MAP4K5: variants seen among roughly 807,000 people sequenced by gnomAD.
MAP4K5 encodes the protein mitogen-activated protein kinase kinase kinase kinase 5.
In MAP4K5, 82 loss-of-function variants were observed where a neutral mutation model predicts 135.6. That is an observed-to-expected ratio of 0.60 (90% confidence interval 0.51 to 0.73). MAP4K5 has a LOEUF of 0.73. Among genes scored for constraint, MAP4K5 ranks in the 30% least tolerant of loss-of-function variants. The pLI is 0.00. For synonymous variants in MAP4K5, 347 were observed against 335.0 expected (o/e 1.04, Z -0.39); for missense variants, 907 against 1,010.9 (o/e 0.90, Z 1.39).
chr14:50,440,010 T>C lies in MAP4K5; in HGVS notation c.1705+3A>G. On this transcript the variant is annotated splice_donor_region_variant and intron_variant, in intron 23 of 32. Transcript: ENST00000682126. ...GGTTTATTTTTCATCATCACATACA[T>C]ACCTGATAATGACATTAAAGTATTA... The C allele has an allele frequency of 6.5e-7, 1 of 1,540,016 alleles. No individual in the cohort carries two copies. Among genetic ancestry groups the C allele is most frequent in the Non-Finnish European group, 8.8e-7 (1 of 1,130,068 alleles).
At chr14:50,481,305 T>C (rs115577206) in intron 6 of MAP4K5, among the ~76,000 whole-genome samples, 1 of 149,910 alleles carries the variant, frequency 6.7e-6, no homozygotes, top group South Asian at 2.1e-4. Context: ...TATATATATA[T>C]AAATATATAT....
At chr14:50,475,598 T>TTGGGAGGATTAGG (rs2037078596) in intron 8 of MAP4K5, among the ~76,000 whole-genome samples, 1 of 152,166 alleles carries the variant, frequency 6.6e-6, no homozygotes, top group African/African-American at 2.4e-5. Flanking sequence ...TCCCTGCTAC[T>TTGGGAGGATTAGG]TGGGAGGATT....
At chr14:50,525,192 C>T (rs2038236759) in intron 2 of MAP4K5, among the ~76,000 whole-genome samples, 1 of 152,134 alleles carries the variant, frequency 6.6e-6, no homozygotes, top group Non-Finnish European at 1.5e-5. Flanking sequence ...CTACCACCTA[C>T]CAGACACATT....
intron 2 of MAP4K5, among the ~76,000 whole-genome samples, chr14:50,523,095 T>C (rs953136586): frequency 9.9e-5 from 15 of 152,162 alleles, no homozygotes; most frequent in African/African-American, 1.7e-4. Flanking sequence ...GTGGATCACC[T>C]GAGGTCGGGA....
intron 30 of MAP4K5, among the ~76,000 whole-genome samples, chr14:50,427,880 A>G (rs1025851092): frequency 6.6e-6 from 1 of 152,258 alleles, no homozygotes; most frequent in Non-Finnish European, 1.5e-5. Context: ...ATAGTTCCAA[A>G]AGCAGTAATA....
At position 50,432,575 on chromosome 14, in the gene MAP4K5, AAC is replaced by A. The variant is rs1367283048; in HGVS notation, c.2164+1817_2164+1818del. ...AACTCTCAAAAAAAAAAAAAAAAAA[AAC>A]AAAAAAACGCAAACTCAAACATACC... On this transcript the variant is annotated intron_variant, in intron 28 of 32. Transcript: ENST00000682126. Among the ~76,000 whole-genome samples, 223 of 132,930 alleles carry A rather than the reference AAC, an allele frequency of 1.7e-3. 5 individuals carry two copies. Among genetic ancestry groups the A allele is most frequent in the African/African-American group, 4.5e-3 (143 of 32,078 alleles). The allele number at this position is 132,930 out of a possible 152,430, so 87.2% of individuals were successfully genotyped here. A position where few individuals can be genotyped will look rare whatever the true frequency, so the allele number is the denominator to read the frequency against.
chr14:50,432,985 G>A (rs2139662059), intron 28 of MAP4K5, among the ~76,000 whole-genome samples: 1 of 152,144 alleles, frequency 6.6e-6, no homozygotes, highest in African/African-American at 2.4e-5. Context: ...TTACAGACAT[G>A]CACCACCACG....
chr14:50,433,227 C>T (rs2036014006), intron 28 of MAP4K5, among the ~76,000 whole-genome samples: 1 of 152,214 alleles, frequency 6.6e-6, no homozygotes, highest in Non-Finnish European at 1.5e-5. Flanking sequence ...AGCAGGCATA[C>T]ATCCAACTCA....
chr14:50,536,256 C>T (rs1490202829), upstream of MAP4K5, among the ~76,000 whole-genome samples: 1 of 152,032 alleles, frequency 6.6e-6, no homozygotes, highest in Non-Finnish European at 1.5e-5. Context: ...ACCAGCCTGA[C>T]CAAAACCCCA....
At chr14:50,516,176 A>G (rs2038029340) in intron 2 of MAP4K5, among the ~76,000 whole-genome samples, 1 of 152,212 alleles carries the variant, frequency 6.6e-6, no homozygotes, top group African/African-American at 2.4e-5. Context: ...TGTCTCCATT[A>G]GGAACTGGTA....
chr14:50,438,150 C>G, intron 23 of MAP4K5, 56 bp from the exon 24 acceptor site: 1 of 691,774 alleles, frequency 1.4e-6, no homozygotes, highest in Non-Finnish European at 2.6e-6. Context: ...AAAACACACA[C>G]AAAAAAACCC....
intron 2 of MAP4K5, among the ~76,000 whole-genome samples, chr14:50,523,796 C>T (rs2038202418): frequency 6.6e-6 from 1 of 152,164 alleles, no homozygotes; most frequent in Non-Finnish European, 1.5e-5. Context: ...CACAAGGCAC[C>T]ACAACAGTGT....
chr14:50,423,074 A>T (rs1476685020), intron 32 of MAP4K5, 47 bp downstream of exon 32: 4 of 884,942 alleles, frequency 4.5e-6, no homozygotes, highest in Non-Finnish European at 7.2e-6. Context: ...TAAGAGTATG[A>T]TCTTTGAACT....
At chr14:50,546,850 T>C (rs2038638938) in intron 1 of MAP4K5, among the ~76,000 whole-genome samples, 2 of 151,822 alleles carry the variant, frequency 1.3e-5, no homozygotes, top group South Asian at 4.2e-4. Flanking sequence ...TTTTTTTAAT[T>C]ATTATACTTT....
intron 2 of MAP4K5, among the ~76,000 whole-genome samples, chr14:50,525,793 G>A (rs944768202): frequency 6.6e-6 from 1 of 152,156 alleles, no homozygotes. Context: ...CTAGTGAGCT[G>A]AGATCATGCC....
intron 3 of MAP4K5, among the ~76,000 whole-genome samples, chr14:50,503,927 T>C: frequency 6.6e-6 from 1 of 152,018 alleles, no homozygotes; most frequent in East Asian, 1.9e-4. Flanking sequence ...TTGGAGATCA[T>C]TTTAAACTTA....
rs1321966443 is a variant in MAP4K5, at chr14:50,532,066, G to GC, written c.-18dup. 1.1e-5 allele frequency: 16 copies of GC among 1,474,022 alleles called. No homozygotes were observed. In the East Asian group the frequency reaches 3.7e-4, roughly 35 times the overall value. 91.3% of individuals were successfully genotyped at this position (1,474,022 alleles called of 1,614,324 possible). Reference sequence around the variant, plus strand: ...GGCCTCCATCTTCACTTAGGGCCCGGCCCCCGCCAGCTCACCCCGCGGCTC... The same window carrying GC: ...GGCCTCCATCTTCACTTAGGGCCCGGCCCCCCGCCAGCTCACCCCGCGGCTC... On this transcript the variant is annotated 5_prime_UTR_variant, in exon 2 of 33. Coordinates refer to ENST00000682126, the MANE Select transcript of MAP4K5 (RefSeq NM_006575.6).
chr14:50,541,496 G>A (rs1300563721), intron 2 of MAP4K5, among the ~76,000 whole-genome samples: 1 of 152,172 alleles, frequency 6.6e-6, no homozygotes, highest in Non-Finnish European at 1.5e-5. Flanking sequence ...TTTGTATTTT[G>A]AGACAATGTA....
chr14:50,530,123 G>C (rs1165686088), intron 2 of MAP4K5, among the ~76,000 whole-genome samples: 1 of 152,144 alleles, frequency 6.6e-6, no homozygotes, highest in African/African-American at 2.4e-5. Context: ...AAGCAACATT[G>C]TGAGGGTAGA....
Sources: gnomAD v4.1 joint callset for allele counts (sites outside exome capture counted in the v4.1 genomes callset) on GRCh38, gnomAD v4.1.1 for gene constraint, MANE v1.5 for transcripts, NCBI Gene and HGNC (gene_info 2026-07-23, HGNC 2026-07-21) for gene names.